The following CLCN1 variants were observed in gnomAD, a reference collection of about 807,000 sequenced individuals.
CLCN1 encodes chloride channel protein 1.
CLCN1 carries 100 observed loss-of-function variants against 114.5 expected under a neutral mutation model. The ratio of observed to expected loss-of-function variants is 0.87; its 90% CI spans 0.74 to 1.03. The LOEUF (loss-of-function observed/expected upper bound fraction) is 1.03, where lower values mean the gene tolerates loss of function less well. Among genes scored for constraint, CLCN1 ranks in the 50% least tolerant of loss-of-function variants. The probability of loss-of-function intolerance (pLI) is 0.00; values close to 1 mark genes in which losing one functional copy is unlikely to be tolerated. For missense variants in CLCN1, 1,188 were observed against 1,250.0 expected, an observed-to-expected ratio of 0.95 and a Z score of 0.75; for synonymous variants, 485 against 487.1, an observed-to-expected ratio of 1.00 and a Z score of 0.06.
At chr7:143,338,313 G>T (rs1184080616) in intron 12 of CLCN1, among the ~76,000 whole-genome samples, 1 of 152,128 alleles carries the variant, frequency 6.6e-6, no homozygotes, top group African/African-American at 2.4e-5. Flanking sequence ...AGCCAGGACA[G>T]ATCTAAATTT....
intron 16 of CLCN1, among the ~76,000 whole-genome samples, chr7:143,344,350 T>C (rs1803169276): frequency 6.6e-6 from 1 of 152,238 alleles, no homozygotes; most frequent in African/African-American, 2.4e-5. Context: ...TATAGGTATC[T>C]ACTAGATATT....
At chr7:143,326,887 T>C (rs1345324085) in intron 7 of CLCN1, among the ~76,000 whole-genome samples, 1 of 152,220 alleles carries the variant, frequency 6.6e-6, no homozygotes, top group Non-Finnish European at 1.5e-5. Flanking sequence ...CTAGATCTAA[T>C]GTGTAAAAAT....
intron 5 of CLCN1, among the ~76,000 whole-genome samples, chr7:143,322,433 G>A (rs1389295115): frequency 6.6e-6 from 1 of 152,180 alleles, no homozygotes; most frequent in Non-Finnish European, 1.5e-5. Flanking sequence ...AGCAGCCAGA[G>A]GCATCTTTTA....
At chr7:143,346,400 C>A in intron 18 of CLCN1, 149 bp downstream of exon 18, 2 of 750,136 alleles carry the variant, frequency 2.7e-6, no homozygotes, top group African/African-American at 3.4e-5. Context: ...TCTTATTCAT[C>A]AATTCTCCTT....
At chr7:143,334,039 C>A (rs541011895) in intron 12 of CLCN1, among the ~76,000 whole-genome samples, 87 of 152,212 alleles carry the variant, frequency 5.7e-4, no homozygotes, top group African/African-American at 1.9e-3. Context: ...CATGGTGAAA[C>A]CCTGTCTCTA....
In CLCN1 at chr7:143,332,829, C is replaced by T. The variant is rs376026619; in HGVS notation, c.1357C>T (p.Arg453Trp). 8.4e-5 allele frequency: 135 copies of T among 1,614,118 alleles called. No homozygotes were observed. Among genetic ancestry groups the T allele is most frequent in the Middle Eastern group, 3.3e-4 (2 of 6,062 alleles). The change falls in exon 12 of 23, where the codon CGG becomes TGG. Residue 453 changes from arginine to tryptophan, a missense_variant. By Grantham distance (101) the Arg-to-Trp change is moderately radical. Coordinates refer to ENST00000343257, the MANE Select transcript of CLCN1 (RefSeq NM_000083.3). ...LGQSAVWIHP[R>W]VNVVIIIFLF... ...CCAGTCAGCTGTGTGGATTCACCCC[C>T]GGGTCAACGTTGTCATCATCATCTT...
intron 2 of CLCN1, 137 bp downstream of exon 2, chr7:143,320,012 A>G: frequency 1.1e-6 from 1 of 900,304 alleles, no homozygotes. Flanking sequence ...TTTAAGAGAC[A>G]GGGTCTCACT....
chr7:143,330,967 T>A lies in CLCN1; in HGVS notation c.979+70T>A, dbSNP rs534182280. The A allele has an allele frequency of 1.2e-5, 20 of 1,607,572 alleles. No individual in the cohort carries two copies. The South Asian group carries it at 2.1e-4, about 17-fold the overall frequency. On this transcript the variant is annotated intron_variant, in intron 8 of 22. Transcript: ENST00000343257. ...CTGGGAATGGGGTGCAGAGGAAAAC[T>A]CTGTGGGGCAGTTCAGAAAAGGAAT... is the stretch of plus-strand genomic sequence containing the variant.
intron 8 of CLCN1, 22 bp downstream of exon 8, chr7:143,330,919 G>A: frequency 6.2e-7 from 1 of 1,614,132 alleles, no homozygotes; most frequent in South Asian, 1.1e-5. Flanking sequence ...GGCCTTGGGT[G>A]GAGGCCATGT....
Position 143,339,373 on chromosome 7 carries a change from T to A in CLCN1, c.1471+51T>A, listed in dbSNP as rs1803016072. On this transcript the variant is annotated intron_variant, in intron 13 of 22. Coordinates refer to ENST00000343257, the MANE Select transcript of CLCN1 (RefSeq NM_000083.3). This position sits in a 1 kb window ranked among gnomAD's most constrained non-coding sequence, Gnocchi z 4.1. ...TCTGACTGAGAGTTGCAATCTAGGATACAGGAAACATAAGGAAAGGCCCGG... is the reference window on the plus strand; with the variant it reads ...TCTGACTGAGAGTTGCAATCTAGGAAACAGGAAACATAAGGAAAGGCCCGG... 6.8e-7 allele frequency: 1 copy of A among 1,464,354 alleles called. No homozygotes were observed. Among genetic ancestry groups the A allele is most frequent in the African/African-American group, 1.4e-5 (1 of 71,748 alleles). 90.7% of individuals were successfully genotyped at this position (1,464,354 alleles called of 1,614,324 possible). A position where few individuals can be genotyped will look rare whatever the true frequency, so the allele number is the denominator to read the frequency against.
chr7:143,348,872 A>G (rs1803321903), intron 20 of CLCN1, among the ~76,000 whole-genome samples: 1 of 152,200 alleles, frequency 6.6e-6, no homozygotes, highest in African/African-American at 2.4e-5. Context: ...TGGAATACAA[A>G]CAGCAGTCAA....
intron 7 of CLCN1, among the ~76,000 whole-genome samples, chr7:143,325,945 G>A (rs1802561365): frequency 6.6e-6 from 1 of 152,182 alleles, no homozygotes. Context: ...AAGGTGCCAT[G>A]TTTACGCTGT....
rs62471045 is a variant in CLCN1, at chr7:143,342,865, G to A, written c.1930+360G>A. 1.3e-3 allele frequency among the ~76,000 whole-genome samples: 203 copies of A among 152,036 alleles called. 1 individual carries two copies. In the Middle Eastern group the frequency reaches 0.014, roughly 10 times the overall value. ...TGCCTGTAATTAGAACCCGGGAGAC[G>A]GAGGTTGCGATGAGCCGAGAACGTG... is the stretch of plus-strand genomic sequence containing the variant. On this transcript the variant is annotated intron_variant, in intron 16 of 22. Transcript: ENST00000343257.
At chr7:143,342,974 A>G (rs900520105) in intron 16 of CLCN1, among the ~76,000 whole-genome samples, 2 of 152,144 alleles carry the variant, frequency 1.3e-5, no homozygotes, top group Non-Finnish European at 2.9e-5. Flanking sequence ...AATTCTCATA[A>G]TTCATGGTAG....
Position 143,332,519 on chromosome 7 carries a change from G to A in CLCN1, c.1251+16G>A, listed in dbSNP as rs558124201. 6.2e-6 allele frequency: 10 copies of A among 1,602,946 alleles called. No individual in the cohort carries two copies. In the South Asian group the frequency reaches 8.8e-5, roughly 14 times the overall value. Reference sequence around the variant, plus strand: ...GGCTGGAGAGGTCAGCTGTTGGTGGGGCCACATGGTAAAGAGGAAACAGCA... The same window carrying A: ...GGCTGGAGAGGTCAGCTGTTGGTGGAGCCACATGGTAAAGAGGAAACAGCA... On this transcript the variant is annotated intron_variant, in intron 11 of 22. Transcript: ENST00000343257.
intron 2 of CLCN1, 101 bp from the exon 3 acceptor site, chr7:143,320,553 TTCTCTCTCTC>T (rs59572880): frequency 6.7e-5 from 45 of 674,216 alleles, no homozygotes; most frequent in Non-Finnish European, 7.8e-5. Flanking sequence ...TTAGCTGCTT[TTCTCTCTCTC>T]TCTCTCTCTC....
intron 12 of CLCN1, among the ~76,000 whole-genome samples, chr7:143,336,988 T>G (rs1354905393): frequency 1.3e-5 from 2 of 152,202 alleles, no homozygotes; most frequent in East Asian, 3.8e-4. Context: ...TACAGGATAG[T>G]TCAGTCCAAC....
At chr7:143,337,782 C>CT (rs1397098712) in intron 12 of CLCN1, among the ~76,000 whole-genome samples, 9 of 126,920 alleles carry the variant, frequency 7.1e-5, no homozygotes, top group African/African-American at 2.5e-4. Flanking sequence ...CACAACTAGC[C>CT]TTTTTTCCAT....
In CLCN1 at chr7:143,319,827, A is replaced by G. The variant is rs1193157349; in HGVS notation, c.253A>G (p.Ser85Gly). The G allele has an allele frequency of 1.2e-6, 2 of 1,613,858 alleles. No individual in the cohort carries two copies. The highest frequency in any genetic ancestry group is 8.5e-7 in the Non-Finnish European group (1 of 1,179,738). ...DIGMPKKTGS[S>G]STVDSKDEDH... The stretch of plus-strand genomic sequence containing the variant: ...AGGGATGCCCAAGAAGACAGGCTCC[A>G]GTTCTACCGTGGACAGCAAGGATGA... The change falls in exon 2 of 23, where the codon AGT becomes GGT. Residue 85 changes from serine to glycine, a missense_variant. By Grantham distance (56) the Ser-to-Gly change is moderately conservative (BLOSUM62 0). Coordinates refer to ENST00000343257, the MANE Select transcript of CLCN1 (RefSeq NM_000083.3).
Sources: allele counts gnomAD v4.1 joint callset (sites outside exome capture counted in the v4.1 genomes callset), GRCh38; gene constraint gnomAD v4.1.1; non-coding constraint Gnocchi (gnomAD v3.1); transcripts MANE v1.5; gene names NCBI Gene and HGNC (gene_info 2026-07-23, HGNC 2026-07-21).